The following ARHGAP24 variants were observed in gnomAD, a reference collection of about 807,000 sequenced individuals.
The protein encoded by ARHGAP24 is rho GTPase-activating protein 24.
A neutral mutation model predicts 76.4 loss-of-function variants in ARHGAP24; 50 were observed. That is an observed-to-expected ratio of 0.65 (90% CI 0.52 to 0.83). The LOEUF is 0.83. ARHGAP24 is among the 40% of genes least tolerant of loss of function. The pLI is 0.00. For missense variants in ARHGAP24, 930 were observed against 914.2 expected (o/e 1.02, Z -0.22); for synonymous variants, 345 against 323.3 (o/e 1.07, Z -0.72).
At chr4:85,595,291 G>C (rs993247629) in intron 2 of ARHGAP24, among the ~76,000 whole-genome samples, 2 of 152,032 alleles carry the variant, frequency 1.3e-5, no homozygotes, top group African/African-American at 4.8e-5. Context: ...AGTATCTCTT[G>C]GCAGACCAAG....
At chr4:85,506,906 C>CCCA (rs1553911108) in intron 1 of ARHGAP24, among the ~76,000 whole-genome samples, 1 of 151,420 alleles carries the variant, frequency 6.6e-6, no homozygotes, top group African/African-American at 2.4e-5. Flanking sequence ...TTTTTTCCCC[C>CCCA]CATGTGGAAC....
chr4:85,969,626 A>G (rs1738841960), intron 5 of ARHGAP24, among the ~76,000 whole-genome samples: 1 of 152,164 alleles, frequency 6.6e-6, no homozygotes, highest in Non-Finnish European at 1.5e-5. Context: ...ACTGCTATGC[A>G]TATCCTTCCC....
chr4:85,749,552 T>G (rs1174147106), intron 3 of ARHGAP24, among the ~76,000 whole-genome samples: 1 of 152,002 alleles, frequency 6.6e-6, no homozygotes, highest in Admixed American at 6.5e-5. Context: ...ACAGATACAG[T>G]TTTTTGTTAT....
chr4:85,587,779 C>G (rs998282953), intron 2 of ARHGAP24, among the ~76,000 whole-genome samples: 1 of 152,108 alleles, frequency 6.6e-6, no homozygotes, highest in Non-Finnish European at 1.5e-5. Context: ...TGCATTTATT[C>G]ATGAATAGAT....
intron 9 of ARHGAP24, 103 bp from the exon 10 acceptor site, chr4:86,000,376 G>C (rs952846566): frequency 1.1e-6 from 1 of 924,698 alleles, no homozygotes; most frequent in African/African-American, 1.6e-5. Context: ...ATCATAAAGA[G>C]TTTAGAAAAT....
At chr4:85,607,944 A>G (rs1434055925) in intron 2 of ARHGAP24, among the ~76,000 whole-genome samples, 1 of 151,854 alleles carries the variant, frequency 6.6e-6, no homozygotes, top group Non-Finnish European at 1.5e-5. Flanking sequence ...CTTGGTGTTT[A>G]TACAGGTGTG....
At chr4:85,682,769 C>A (rs1483613697) in intron 2 of ARHGAP24, among the ~76,000 whole-genome samples, 1 of 152,116 alleles carries the variant, frequency 6.6e-6, no homozygotes, top group Non-Finnish European at 1.5e-5. Flanking sequence ...ATGAAAACTG[C>A]ATTGATTAGC....
chr4:85,886,616 C>T (rs889905788), intron 3 of ARHGAP24, among the ~76,000 whole-genome samples: 4 of 152,048 alleles, frequency 2.6e-5, no homozygotes, highest in Non-Finnish European at 4.4e-5. Context: ...ACTTTAAAAC[C>T]GATACATATC....
chr4:85,896,975 A>T (rs555441158), intron 3 of ARHGAP24, among the ~76,000 whole-genome samples: 1 of 152,256 alleles, frequency 6.6e-6, no homozygotes, highest in South Asian at 2.1e-4. Flanking sequence ...TTTAGACTTC[A>T]TCCTGTCTTT....
intron 4 of ARHGAP24, among the ~76,000 whole-genome samples, chr4:85,939,390 A>T (rs1367185737): frequency 6.6e-6 from 1 of 152,222 alleles, no homozygotes; most frequent in Non-Finnish European, 1.5e-5. Flanking sequence ...ATAAATCTGG[A>T]TGTGGACTTC....
chr4:85,658,677 G>A (rs1321774633), intron 2 of ARHGAP24, among the ~76,000 whole-genome samples: 1 of 152,184 alleles, frequency 6.6e-6, no homozygotes, highest in Non-Finnish European at 1.5e-5. Context: ...ATATTAGCGT[G>A]TTTTCACACA....
At chr4:85,591,596 A>G (rs1728112702) in intron 2 of ARHGAP24, among the ~76,000 whole-genome samples, 1 of 152,236 alleles carries the variant, frequency 6.6e-6, no homozygotes, top group Non-Finnish European at 1.5e-5. Context: ...ACAAGTCACA[A>G]GCCATTAGTC....
rs549714226 is a variant in ARHGAP24, at chr4:85,969,205, T to C, written c.600-2831T>C. Among the ~76,000 whole-genome samples the C allele has an allele frequency of 1.1e-3, 168 of 152,242 alleles. 1 individual carries two copies. Among genetic ancestry groups the C allele is most frequent in the Middle Eastern group, 0.01 (3 of 294 alleles). ...TAGTGTTCAAAGTTTCTCAATACCA[T>C]AGTTTATAAAATGCTTCACTTCATT... On this transcript the variant is annotated intron_variant, in intron 5 of 9. Transcript: ENST00000395184.
chr4:85,729,048 T>C (rs1006866676), intron 3 of ARHGAP24, among the ~76,000 whole-genome samples: 1 of 152,234 alleles, frequency 6.6e-6, no homozygotes, highest in Admixed American at 6.5e-5. Flanking sequence ...ATCTTAACTT[T>C]TTTTCTTTTT....
chr4:85,683,152 G>A (rs1723289553), intron 2 of ARHGAP24, among the ~76,000 whole-genome samples: 1 of 135,478 alleles, frequency 7.4e-6, no homozygotes, highest in Non-Finnish European at 1.6e-5. Flanking sequence ...AAAGGTGGCA[G>A]TGAGATTTAG....
intron 2 of ARHGAP24, among the ~76,000 whole-genome samples, chr4:85,603,949 C>G (rs189082492): frequency 5.5e-4 from 83 of 152,078 alleles, no homozygotes; most frequent in Admixed American, 1.4e-3. Flanking sequence ...TGGTAATGAG[C>G]AAAAAGAATA....
intron 3 of ARHGAP24, among the ~76,000 whole-genome samples, chr4:85,850,520 A>T (rs1406939445): frequency 6.6e-6 from 1 of 151,842 alleles, no homozygotes; most frequent in African/African-American, 2.4e-5. Context: ...CTTGCTTCTC[A>T]GTTCTTTTAA....
intron 2 of ARHGAP24, among the ~76,000 whole-genome samples, chr4:85,706,596 C>T (rs1315398026): frequency 6.6e-6 from 1 of 151,230 alleles, no homozygotes; most frequent in Non-Finnish European, 1.5e-5. Flanking sequence ...GATGGAATCT[C>T]ACTCTGTCAC....
At chr4:85,681,486 C>G (rs1723202745) in intron 2 of ARHGAP24, among the ~76,000 whole-genome samples, 1 of 152,200 alleles carries the variant, frequency 6.6e-6, no homozygotes, top group Non-Finnish European at 1.5e-5. Context: ...CCTCCCAGGG[C>G]TCCTTCCTGT....
Sources: gnomAD v4.1 joint callset for allele counts (sites outside exome capture counted in the v4.1 genomes callset) on GRCh38, gnomAD v4.1.1 for gene constraint, MANE v1.5 for transcripts, NCBI Gene and HGNC (gene_info 2026-07-23, HGNC 2026-07-21) for gene names.